The following RANBP2 variants were observed in gnomAD, a reference collection of about 807,000 sequenced individuals.
The protein encoded by RANBP2 is E3 SUMO-protein ligase RanBP2.
RANBP2 carries 57 observed loss-of-function variants against 303.6 expected under a neutral mutation model. That is an observed-to-expected ratio of 0.19 (90% CI 0.15 to 0.23). The LOEUF is 0.23. Among genes scored for constraint, RANBP2 ranks in the 10% least tolerant of loss-of-function variants. The pLI is 1.00. For synonymous variants in RANBP2, 1,167 were observed against 1,301.5 expected, an observed-to-expected ratio of 0.90 and a Z score of 2.23; for missense variants, 3,138 against 3,780.8, an observed-to-expected ratio of 0.83 and a Z score of 4.46.
At chr2:109,566,815 G>C in the RANBP2 span, among the ~76,000 whole-genome samples, 2 of 152,024 alleles carry the variant, frequency 1.3e-5, no homozygotes, top group Admixed American at 1.3e-4. Context: ...GGAGTAGACT[G>C]GTCTGTCTGA....
chr2:109,527,837 G>A, the RANBP2 span, among the ~76,000 whole-genome samples: 1 of 152,336 alleles, frequency 6.6e-6, no homozygotes, highest in Non-Finnish European at 1.5e-5. Flanking sequence ...TCAAGTTGTC[G>A]TCAGAGTCAC....
At chr2:109,261,965 A>G in the RANBP2 span, among the ~76,000 whole-genome samples, 1 of 152,066 alleles carries the variant, frequency 6.6e-6, no homozygotes, top group Non-Finnish European at 1.5e-5. Flanking sequence ...CCACTTCATT[A>G]CATCAGAGGA....
At chr2:108,989,349 C>T in the RANBP2 span, 3 of 152,732 alleles carry the variant, frequency 2.0e-5, no homozygotes, top group East Asian at 3.8e-4. Context: ...CCCTGGCACA[C>T]CTGGCTCTCC....
the RANBP2 span, among the ~76,000 whole-genome samples, chr2:108,946,381 G>A: frequency 6.6e-6 from 1 of 152,344 alleles, no homozygotes; most frequent in African/African-American, 2.4e-5. Flanking sequence ...GTAAAGACTT[G>A]CAGAGCTGAA....
At chr2:109,585,087 T>A in the RANBP2 span, 10 of 1,352,496 alleles carry the variant, frequency 7.4e-6, no homozygotes, top group African/African-American at 1.5e-5. Flanking sequence ...TGTCTTGAAA[T>A]AAGAAAAACT....
At chr2:109,615,672 GGAGCCCTGGAC>G in the RANBP2 span, 1 of 1,614,138 alleles carries the variant, frequency 6.2e-7, no homozygotes, top group South Asian at 1.1e-5. Context: ...GAACCTGGTG[GGAGCCCTGGAC>G]GAGGGTGACG....
downstream of RANBP2, chr2:108,786,659 C>T: frequency 1.6e-6 from 1 of 639,078 alleles, no homozygotes; most frequent in East Asian, 3.0e-5. Context: ...GACGCGCTGA[C>T]AAGCCGGGCT....
the RANBP2 span, among the ~76,000 whole-genome samples, chr2:109,213,535 A>G: frequency 3.3e-5 from 5 of 152,150 alleles, no homozygotes; most frequent in Non-Finnish European, 5.9e-5. Context: ...TGAAGCCTCT[A>G]TCACCTAACA....
chr2:108,861,472 C>CTTTTTTTTTTTTTTTTTTTTT, the RANBP2 span, among the ~76,000 whole-genome samples: 2 of 123,528 alleles, frequency 1.6e-5, 1 homozygote, highest in African/African-American at 7.7e-5. Context: ...AACTTTCTTC[C>CTTTTTTTTTTTTTTTTTTTTT]TTTTTTTTTT....
At chr2:109,639,388 A>G in the RANBP2 span, among the ~76,000 whole-genome samples, 1 of 152,136 alleles carries the variant, frequency 6.6e-6, no homozygotes, top group African/African-American at 2.4e-5. Flanking sequence ...TGGGAGGCCA[A>G]GGTGGGCAGA....
chr2:108,725,371 G>A (rs546822105), intron 1 of RANBP2, among the ~76,000 whole-genome samples: 5 of 151,742 alleles, frequency 3.3e-5, no homozygotes, highest in Middle Eastern at 3.4e-3. Context: ...TCTTAAGATT[G>A]TCTACTTTAA....
the RANBP2 span, among the ~76,000 whole-genome samples, chr2:109,056,447 G>A: frequency 6.6e-6 from 1 of 152,110 alleles, no homozygotes; most frequent in South Asian, 2.1e-4. Flanking sequence ...GGGATTACAG[G>A]CATGAACCAC....
At chr2:108,942,010 G>A in the RANBP2 span, among the ~76,000 whole-genome samples, 1 of 152,370 alleles carries the variant, frequency 6.6e-6, no homozygotes, top group Non-Finnish European at 1.5e-5. Context: ...TGCCCCTTGT[G>A]TGATGGAAAC....
the RANBP2 span, among the ~76,000 whole-genome samples, chr2:109,540,469 AT>A: frequency 2.0e-5 from 3 of 152,142 alleles, no homozygotes; most frequent in Non-Finnish European, 4.4e-5. Context: ...GAGAACTGCT[AT>A]TTATTTTACA....
chr2:109,647,128 G>T, the RANBP2 span, among the ~76,000 whole-genome samples: 1 of 147,486 alleles, frequency 6.8e-6, no homozygotes, highest in African/African-American at 2.5e-5. Context: ...CTTTTGGGAA[G>T]TGTCAGCCAC....
the RANBP2 span, among the ~76,000 whole-genome samples, chr2:109,235,477 A>C: frequency 6.6e-6 from 1 of 152,220 alleles, no homozygotes; most frequent in Non-Finnish European, 1.5e-5. Context: ...ATTAACCCTC[A>C]TGCCAGGACA....
At chr2:109,114,383 T>C in the RANBP2 span, among the ~76,000 whole-genome samples, 1 of 152,252 alleles carries the variant, frequency 6.6e-6, no homozygotes, top group Non-Finnish European at 1.5e-5. Context: ...GTTGAGGAAT[T>C]TACCCATTTC....
At chr2:109,123,332 T>A in the RANBP2 span, among the ~76,000 whole-genome samples, 2 of 64,552 alleles carry the variant, frequency 3.1e-5, no homozygotes, top group Non-Finnish European at 7.9e-5. Flanking sequence ...CCTTCCTTCC[T>A]TCCTTCCTTC....
At chr2:109,414,339 T>A in the RANBP2 span, among the ~76,000 whole-genome samples, 1 of 152,196 alleles carries the variant, frequency 6.6e-6, no homozygotes, top group Non-Finnish European at 1.5e-5. Context: ...AACCCCATCT[T>A]CTCATGTCTT....
Sources: allele counts gnomAD v4.1 joint callset (sites outside exome capture counted in the v4.1 genomes callset), GRCh38; gene constraint gnomAD v4.1.1; transcripts MANE v1.5; gene names NCBI Gene and HGNC (gene_info 2026-07-23, HGNC 2026-07-21).